PPM1H: variants seen among roughly 807,000 people sequenced by gnomAD.
PPM1H encodes protein phosphatase 1H.
In PPM1H, 27 loss-of-function variants were observed where a neutral mutation model predicts 54.9. That is an observed-to-expected ratio of 0.49 (90% CI 0.36 to 0.68). PPM1H has a LOEUF of 0.68. Among genes scored for constraint, PPM1H ranks in the 30% least tolerant of loss-of-function variants. The pLI, the probability that PPM1H is intolerant of heterozygous loss-of-function variation, is 0.00. For synonymous variants in PPM1H, 305 were observed against 270.8 expected (o/e 1.13, Z -1.24); for missense variants, 596 against 667.8 (o/e 0.89, Z 1.19).
intron 1 of PPM1H, among the ~76,000 whole-genome samples, chr12:62,848,286 A>G (rs909253175): frequency 3.9e-5 from 6 of 152,212 alleles, no homozygotes; most frequent in African/African-American, 1.4e-4. Context: ...CTAAGGTGCA[A>G]AAGTTCATTA....
rs1490700957 is a variant in PPM1H, at chr12:62,879,019, G to A, written c.246-46740C>T. ...ATTTTCCCTCGTTCAGAGCACCTGC[G>A]ATGGCAAGTGGATTCTGCTCTGTTG... On this transcript the variant is annotated intron_variant, in intron 1 of 9. Transcript: ENST00000228705. Among the ~76,000 whole-genome samples the A allele has an allele frequency of 3.3e-5, 5 of 152,204 alleles. No homozygotes were observed. The East Asian group carries it at 5.8e-4, about 18-fold the overall frequency.
At chr12:62,712,310 G>T (rs186250051) in intron 6 of PPM1H, among the ~76,000 whole-genome samples, 1 of 152,358 alleles carries the variant, frequency 6.6e-6, no homozygotes, top group Admixed American at 6.5e-5. Flanking sequence ...AGTGCTTTCA[G>T]CAATCAGACT....
In PPM1H at chr12:62,648,306, A is replaced by T; in HGVS notation, c.*183T>A. 1.5e-6 allele frequency: 1 copy of T among 673,962 alleles called. No individual in the cohort carries two copies. The highest frequency in any genetic ancestry group is 2.4e-6 in the Non-Finnish European group (1 of 412,236). The allele number at this position is 673,962 out of a possible 1,614,324, so 41.7% of individuals were successfully genotyped here. Reference sequence around the variant, plus strand: ...TTTGCTCTTGTTGAGTTGACCTGTTACTAAAGAAGAAATGGAAACCAAAGG... The same window carrying T: ...TTTGCTCTTGTTGAGTTGACCTGTTTCTAAAGAAGAAATGGAAACCAAAGG... On this transcript the variant is annotated 3_prime_UTR_variant, in exon 10 of 10. Transcript: ENST00000228705.
intron 4 of PPM1H, 71 bp downstream of exon 4, chr12:62,788,155 A>T (rs1164299937): frequency 4.8e-6 from 5 of 1,051,688 alleles, no homozygotes; most frequent in Non-Finnish European, 7.1e-6. Flanking sequence ...TAATCATTTA[A>T]TTTTTGAGAC....
At chr12:62,714,611 T>G (rs2120437144) in intron 6 of PPM1H, among the ~76,000 whole-genome samples, 1 of 152,060 alleles carries the variant, frequency 6.6e-6, no homozygotes, top group Non-Finnish European at 1.5e-5. Context: ...GAGGAAGTAT[T>G]TACGAGAGAC....
intron 9 of PPM1H, among the ~76,000 whole-genome samples, chr12:62,666,562 G>A (rs345944): frequency 0.93 from 140,961 of 152,272 alleles, 65,293 homozygotes; most frequent in African/African-American, 0.96. Flanking sequence ...AACAGGATCA[G>A]AAATGGGATT....
At chr12:62,883,637 A>C (rs149329789) in intron 1 of PPM1H, among the ~76,000 whole-genome samples, 218 of 152,328 alleles carry the variant, frequency 1.4e-3, no homozygotes, top group African/African-American at 5.1e-3. Context: ...GTAAGAACAT[A>C]CTAGAAGCAA....
At chr12:62,803,059 G>A (rs17098337) in intron 2 of PPM1H, among the ~76,000 whole-genome samples, 2,500 of 152,242 alleles carry the variant, frequency 0.016, 68 homozygotes, top group African/African-American at 0.057. Context: ...TCTACATCCT[G>A]AATTTTTAGA....
rs1229762596 is a variant in PPM1H at position 62,727,806 on chromosome 12, G to A, written c.955-7517C>T. Among the ~76,000 whole-genome samples the A allele has an allele frequency of 3.3e-5, 5 of 151,448 alleles. No homozygotes were observed. In the East Asian group the frequency reaches 7.8e-4, roughly 24 times the overall value. ...CTCCTGAGTAGCTGGGACTACATGCGTGCGCCACCATGCCCGGCTAATTTT... is the reference window on the plus strand; with the variant it reads ...CTCCTGAGTAGCTGGGACTACATGCATGCGCCACCATGCCCGGCTAATTTT... On this transcript the variant is annotated intron_variant, in intron 5 of 9. Coordinates refer to ENST00000228705, the MANE Select transcript of PPM1H (RefSeq NM_020700.2).
At chr12:62,756,127 T>G in intron 4 of PPM1H, 1 of 869,786 alleles carries the variant, frequency 1.1e-6, no homozygotes, top group Non-Finnish European at 1.9e-6. Context: ...GGGGATGGCA[T>G]TGACCTCAAC....
chr12:62,900,260 C>T (rs1440069952), intron 1 of PPM1H, among the ~76,000 whole-genome samples: 4 of 151,968 alleles, frequency 2.6e-5, no homozygotes, highest in Non-Finnish European at 2.9e-5. Flanking sequence ...TGAGAACATG[C>T]GGTGTTTGGT....
At chr12:62,744,420 G>A (rs1399402899) in intron 4 of PPM1H, among the ~76,000 whole-genome samples, 7 of 149,298 alleles carry the variant, frequency 4.7e-5, no homozygotes, top group East Asian at 2.0e-4. Context: ...GCAGTGAGCC[G>A]AGGTTGCACC....
chr12:62,897,821 C>T (rs983038206), intron 1 of PPM1H, among the ~76,000 whole-genome samples: 5 of 152,088 alleles, frequency 3.3e-5, no homozygotes, highest in African/African-American at 7.2e-5. Flanking sequence ...AGTGAATTCT[C>T]GGGGAGCACC....
rs530490722 is a variant in PPM1H at position 62,860,457 on chromosome 12, A to T, written c.246-28178T>A. On this transcript the variant is annotated intron_variant, in intron 1 of 9. Transcript: ENST00000228705. ...TAAAGATCTTAATATATATCCATTT[A>T]AAAAATCAAGAAACAAAACAGGCAC... Among the ~76,000 whole-genome samples the T allele has an allele frequency of 4.6e-5, 7 of 152,316 alleles. No homozygotes were observed. The East Asian group carries it at 9.7e-4, about 21-fold the overall frequency.
At chr12:62,825,570 C>A (rs1868281021) in intron 2 of PPM1H, among the ~76,000 whole-genome samples, 1 of 152,178 alleles carries the variant, frequency 6.6e-6, no homozygotes, top group Admixed American at 6.5e-5. Context: ...CAGATGAGTT[C>A]ATGTCCTTTG....
At chr12:62,886,086 A>AT (rs1348672158) in intron 1 of PPM1H, among the ~76,000 whole-genome samples, 1 of 152,174 alleles carries the variant, frequency 6.6e-6, no homozygotes, top group African/African-American at 2.4e-5. Context: ...TACAGTCAAT[A>AT]TTTTTTCAAG....
intron 3 of PPM1H, 46 bp downstream of exon 3, chr12:62,801,770 A>T (rs1399504328): frequency 6.3e-7 from 1 of 1,593,842 alleles, no homozygotes; most frequent in African/African-American, 1.3e-5. Context: ...GACCTGGCGC[A>T]GGCGCCAGCC....
rs141055724 is a variant in PPM1H, at chr12:62,819,857, T to C, written c.411+12257A>G. ...CTCTGGTGTGCAGCTCCCAGTGGGA[T>C]TGATGCAGAAGACAGTGATTTCTGC... On this transcript the variant is annotated intron_variant, in intron 2 of 9. Coordinates refer to ENST00000228705, the MANE Select transcript of PPM1H (RefSeq NM_020700.2). Among the ~76,000 whole-genome samples the C allele has an allele frequency of 3.9e-3, 595 of 152,252 alleles. 6 individuals are homozygous for C. Among genetic ancestry groups the C allele is most frequent in the African/African-American group, 0.013 (549 of 41,560 alleles).
intron 1 of PPM1H, among the ~76,000 whole-genome samples, chr12:62,913,397 G>A (rs1039641474): frequency 2.0e-5 from 3 of 152,146 alleles, no homozygotes; most frequent in African/African-American, 7.2e-5. Context: ...ACAGGTGAGC[G>A]TTTTCCTAAG....
Sources: gnomAD v4.1 joint callset for allele counts (sites outside exome capture counted in the v4.1 genomes callset) on GRCh38, gnomAD v4.1.1 for gene constraint, MANE v1.5 for transcripts, NCBI Gene and HGNC (gene_info 2026-07-23, HGNC 2026-07-21) for gene names.